Variants in DNAJB6 observed in about 807,000 individuals in gnomAD.
DNAJB6 encodes dnaJ homolog subfamily B member 6.
A neutral mutation model predicts 42.7 loss-of-function variants in DNAJB6; 16 were observed. That is an observed-to-expected ratio of 0.37 (90% CI 0.25 to 0.57). The LOEUF (loss-of-function observed/expected upper bound fraction) is 0.57. DNAJB6 is among the 20% of genes least tolerant of loss of function. The pLI is 0.74. For missense variants in DNAJB6, 347 were observed against 416.8 expected (o/e 0.83, Z 1.46); for synonymous variants, 170 against 163.5 (o/e 1.04, Z -0.30).
At chr7:157,394,829 G>A (rs909514391) in intron 8 of DNAJB6, among the ~76,000 whole-genome samples, 4 of 152,232 alleles carry the variant, frequency 2.6e-5, no homozygotes, top group Admixed American at 1.3e-4. Flanking sequence ...AGACGTGGTG[G>A]CTTACGCCTG....
chr7:157,403,013 C>T (rs1209456363), intron 8 of DNAJB6, among the ~76,000 whole-genome samples: 1 of 152,160 alleles, frequency 6.6e-6, no homozygotes, highest in African/African-American at 2.4e-5. Flanking sequence ...ACGACAGGTG[C>T]CCGAGGTGGT....
rs535592106 is a variant in DNAJB6 at position 157,362,371 on chromosome 7, T to G, written c.66-790T>G. On this transcript the variant is annotated intron_variant, in intron 2 of 9. Coordinates refer to ENST00000262177, the MANE Select transcript of DNAJB6 (RefSeq NM_058246.4). ...GCTGCTCAGTGACCCAGGCCTTTTT[T>G]TCCCTTTTTAAAAATTTTTTGAGAC... Among the ~76,000 whole-genome samples, 40 of 152,210 alleles carry G rather than the reference T, an allele frequency of 2.6e-4. No individual in the cohort carries two copies. The South Asian group carries it at 7.9e-3, about 30-fold the overall frequency.
At chr7:157,375,113 C>T (rs921687070) in intron 5 of DNAJB6, among the ~76,000 whole-genome samples, 4 of 152,144 alleles carry the variant, frequency 2.6e-5, no homozygotes, top group Non-Finnish European at 5.9e-5. Context: ...TGCAGGCAGA[C>T]CTGATACTGT....
Position 157,416,749 on chromosome 7 carries a change from T to C in DNAJB6, c.*651T>C, listed in dbSNP as rs1456681068. The C allele has an allele frequency of 6.6e-6, 1 of 152,214 alleles. No homozygotes were observed. Among genetic ancestry groups the C allele is most frequent in the Non-Finnish European group, 1.5e-5 (1 of 68,062 alleles). 9.4% of individuals were successfully genotyped at this position (152,214 alleles called of 1,614,324 possible). Reference sequence around the variant, plus strand: ...TTTGCTAGATTCCATATTTTTTTCTTGGATTTTTGCTAATTATTTTTAGCA... The same window carrying C: ...TTTGCTAGATTCCATATTTTTTTCTCGGATTTTTGCTAATTATTTTTAGCA... On this transcript the variant is annotated 3_prime_UTR_variant, in exon 10 of 10. Transcript: ENST00000262177.
At position 157,397,650 on chromosome 7, in the gene DNAJB6, C is replaced by T. The variant is rs151065767; in HGVS notation, c.691+12039C>T. Among the ~76,000 whole-genome samples the T allele has an allele frequency of 3.8e-3, 578 of 152,344 alleles. 7 individuals carry two copies. Among genetic ancestry groups the T allele is most frequent in the African/African-American group, 0.013 (538 of 41,582 alleles). ...CTGGGCCCTGGGCACGTCCCCGTGC[C>T]GTCAGCCAGTGCGCTCTTGGAGCAG... On this transcript the variant is annotated intron_variant, in intron 8 of 9. Coordinates refer to ENST00000262177, the MANE Select transcript of DNAJB6 (RefSeq NM_058246.4).
chr7:157,355,952 T>C (rs1267644959), intron 1 of DNAJB6, among the ~76,000 whole-genome samples: 1 of 152,240 alleles, frequency 6.6e-6, no homozygotes, highest in Non-Finnish European at 1.5e-5. Flanking sequence ...ACCTCTGTGC[T>C]CACTGCCTCG....
chr7:157,380,668 G>C (rs138741895), intron 5 of DNAJB6: 161 of 152,486 alleles, frequency 1.1e-3, no homozygotes, highest in African/African-American at 3.7e-3. Flanking sequence ...GGCTGTGCAT[G>C]CCTTCTTCCT....
Position 157,345,481 on chromosome 7 carries a change from A to AT in DNAJB6, c.-27+8345dup, listed in dbSNP as rs1030474348. ...AGGCATGTGCCACCCCACTCAGCTA[A>AT]TTTTTTTTATCTTTTTGTAGAGATG... On this transcript the variant is annotated intron_variant, in intron 1 of 9. Transcript: ENST00000262177. Among the ~76,000 whole-genome samples the AT allele has an allele frequency of 9.7e-4, 147 of 151,578 alleles. 2 individuals are homozygous for AT. The highest frequency in any genetic ancestry group is 4.3e-3 in the Admixed American group (65 of 15,208).
At chr7:157,390,225 T>C (rs1801273041) in intron 8 of DNAJB6, among the ~76,000 whole-genome samples, 1 of 152,226 alleles carries the variant, frequency 6.6e-6, no homozygotes, top group Non-Finnish European at 1.5e-5. Flanking sequence ...CCTCCTGCTG[T>C]GCGACCTGCG....
chr7:157,365,461 C>T (rs1011333251), intron 3 of DNAJB6, among the ~76,000 whole-genome samples: 1 of 152,240 alleles, frequency 6.6e-6, no homozygotes, highest in African/African-American at 2.4e-5. Context: ...TGGCGCCTTT[C>T]TGGCACATCT....
At chr7:157,406,810 T>G (rs1331662639) in intron 8 of DNAJB6, among the ~76,000 whole-genome samples, 3 of 152,222 alleles carry the variant, frequency 2.0e-5, no homozygotes, top group African/African-American at 7.2e-5. Context: ...CAATATTCAT[T>G]TTCAAAATAT....
At chr7:157,410,400 G>A (rs1584952690) in intron 9 of DNAJB6, 4 of 366,162 alleles carry the variant, frequency 1.1e-5, no homozygotes, top group Non-Finnish European at 1.5e-5. Flanking sequence ...CTGCCCCTCC[G>A]TCAGCTTCAC....
chr7:157,342,167 TATA>T (rs1282564383), intron 1 of DNAJB6, among the ~76,000 whole-genome samples: 3 of 150,328 alleles, frequency 2.0e-5, no homozygotes, highest in Non-Finnish European at 3.0e-5. Context: ...CCTATTTTAT[TATA>T]ATAATAATTT....
chr7:157,391,450 C>A (rs947551651), intron 8 of DNAJB6, among the ~76,000 whole-genome samples: 1 of 152,238 alleles, frequency 6.6e-6, no homozygotes, highest in Non-Finnish European at 1.5e-5. Context: ...TCAGTGGTCC[C>A]TGCACAGATG....
At chr7:157,359,603 C>T (rs1799477086) in intron 2 of DNAJB6, among the ~76,000 whole-genome samples, 1 of 151,960 alleles carries the variant, frequency 6.6e-6, no homozygotes, top group African/African-American at 2.4e-5. Context: ...GTGGGAGGGT[C>T]ACTGGAGCCC....
chr7:157,369,096 G>A (rs764687418), intron 5 of DNAJB6: 3 of 365,222 alleles, frequency 8.2e-6, no homozygotes, highest in African/African-American at 2.1e-5. Flanking sequence ...AGCATTTTCA[G>A]GGAAACTGAA....
In DNAJB6 at chr7:157,360,284, A is replaced by T. The variant is rs543915672; in HGVS notation, c.65+1647A>T. Among the ~76,000 whole-genome samples, 44 of 152,296 alleles carry T rather than the reference A, an allele frequency of 2.9e-4. 1 individual carries two copies. In the South Asian group the frequency reaches 8.9e-3, roughly 31 times the overall value. On this transcript the variant is annotated intron_variant, in intron 2 of 9. Transcript: ENST00000262177. ...AGCGGAAACCCCTTATAAACCCATC[A>T]GGTCTTGTGAGGCTTATTATCAGGA... is the stretch of plus-strand genomic sequence containing the variant.
At chr7:157,349,434 G>A (rs199787192) in intron 1 of DNAJB6, among the ~76,000 whole-genome samples, 2 of 152,096 alleles carry the variant, frequency 1.3e-5, no homozygotes, top group East Asian at 1.9e-4. Flanking sequence ...TAATGGGAAG[G>A]CAGGACCGTG....
At chr7:157,391,618 A>G (rs982026078) in intron 8 of DNAJB6, among the ~76,000 whole-genome samples, 5 of 152,192 alleles carry the variant, frequency 3.3e-5, no homozygotes, top group Admixed American at 1.3e-4. Flanking sequence ...GTCCCCATCC[A>G]TGGCGGATGC....
Sources: gnomAD v4.1 joint callset for allele counts (sites outside exome capture counted in the v4.1 genomes callset) on GRCh38, gnomAD v4.1.1 for gene constraint, MANE v1.5 for transcripts, NCBI Gene and HGNC (gene_info 2026-07-23, HGNC 2026-07-21) for gene names.